Variants in RANBP1 observed in about 807,000 individuals in gnomAD.
RANBP1 encodes ran-specific GTPase-activating protein.
RANBP1 carries 16 observed loss-of-function variants against 31.4 expected under a neutral mutation model. The ratio of observed to expected loss-of-function variants is 0.51; its 90% CI spans 0.34 to 0.77. The LOEUF (loss-of-function observed/expected upper bound fraction) is 0.77, where lower values mean the gene tolerates loss of function less well. RANBP1 is among the 30% of genes least tolerant of loss of function. The pLI is 0.01. For synonymous variants in RANBP1, 129 were observed against 140.5 expected, an observed-to-expected ratio of 0.92 and a Z score of 0.58; for missense variants, 265 against 362.0, an observed-to-expected ratio of 0.73 and a Z score of 2.17.
intron 1 of RANBP1, among the ~76,000 whole-genome samples, chr22:20,118,526 A>G (rs2050100671): frequency 6.6e-6 from 1 of 152,274 alleles, no homozygotes; most frequent in South Asian, 2.1e-4. Flanking sequence ...AAGCAAGAGC[A>G]CAACTATTTC....
At position 20,126,956 on chromosome 22, in the gene RANBP1, A is replaced by G. The variant is rs148747950; in HGVS notation, c.741A>G (p.Gly247=). Residue 247 remains glycine, a synonymous_variant, in exon 6 of 6, where the codon GGA becomes GGG. Transcript: ENST00000430524. The stretch of plus-strand genomic sequence containing the variant: ...CTGTGCTGCTTGTGTTTTTAGCAGG[A>G]TCAGGCAAAAATGATCATGCCGAAA... ...KEIEEREKKA[G]SGKNDHAEKV... is the part of the protein sequence containing the mutation. 78 of 1,613,218 alleles carry G rather than the reference A, an allele frequency of 4.8e-5. No homozygotes were observed. The East Asian group carries it at 1.7e-3, about 36-fold the overall frequency.
Position 20,119,163 on chromosome 22 carries a change from T to A in RANBP1, c.383+14T>A, listed in dbSNP as rs557042253. The A allele has an allele frequency of 2.5e-6, 4 of 1,610,042 alleles. No homozygotes were observed. In the East Asian group the frequency reaches 8.9e-5, roughly 36 times the overall value. ...ACTTTTTAAAATGTAAGTAGGCTGA[T>A]GTCCCAGAAATAGGACTCTTTAAGG... is the stretch of plus-strand genomic sequence containing the variant. On this transcript the variant is annotated intron_variant, in intron 2 of 5. Transcript: ENST00000430524.
chr22:20,123,570 A>G (rs2050235105), intron 3 of RANBP1, among the ~76,000 whole-genome samples: 1 of 151,698 alleles, frequency 6.6e-6, no homozygotes, highest in Non-Finnish European at 1.5e-5. Context: ...CAGCCTCCCC[A>G]GTTATGGTGT....
chr22:20,117,425 AG>A (rs2050060949), intron 1 of RANBP1: 2 of 1,197,018 alleles, frequency 1.7e-6, no homozygotes, highest in African/African-American at 1.6e-5. Flanking sequence ...GGACAATGAG[AG>A]TGTCCGCCTC....
intron 2 of RANBP1, among the ~76,000 whole-genome samples, chr22:20,121,568 A>G (rs62219900): frequency 6.6e-6 from 1 of 151,646 alleles, no homozygotes; most frequent in Non-Finnish European, 1.5e-5. Flanking sequence ...TTTTTTTAAA[A>G]TAGGGTCTCA....
chr22:20,117,658 CG>C, intron 1 of RANBP1: 1 of 1,202,534 alleles, frequency 8.3e-7, no homozygotes. Context: ...CCATGGCGGC[CG>C]CCAAGGTGCC....
intron 3 of RANBP1, chr22:20,124,102 G>C (rs2050246087): frequency 6.5e-6 from 1 of 152,794 alleles, no homozygotes; most frequent in Non-Finnish European, 1.5e-5. Flanking sequence ...TCTAGTCCTG[G>C]GGAAGCTTGC....
intron 1 of RANBP1, among the ~76,000 whole-genome samples, chr22:20,118,619 G>C (rs2050104359): frequency 6.6e-6 from 1 of 152,220 alleles, no homozygotes; most frequent in African/African-American, 2.4e-5. Context: ...TGTGTCCTTT[G>C]ATCTTCACAC....
intron 2 of RANBP1, chr22:20,119,369 A>G: frequency 3.6e-6 from 2 of 548,762 alleles, no homozygotes; most frequent in East Asian, 3.2e-5. Flanking sequence ...AGGGCATCCC[A>G]TCTTGCTGCT....
chr22:20,116,814 G>A, intron 1 of RANBP1: 2 of 1,466,294 alleles, frequency 1.4e-6, no homozygotes, highest in Non-Finnish European at 1.9e-6. Context: ...TTCTCTGGCA[G>A]GTTTCCTGAC....
intron 3 of RANBP1, 76 bp downstream of exon 3, chr22:20,122,497 T>A: frequency 6.2e-7 from 1 of 1,606,232 alleles, no homozygotes; most frequent in South Asian, 1.1e-5. Flanking sequence ...CAGGGCTGAT[T>A]GGGAACTGGG....
At chr22:20,117,108 A>C (rs1822727062) in intron 1 of RANBP1, 1 of 689,762 alleles carries the variant, frequency 1.4e-6, no homozygotes, top group Admixed American at 2.8e-5. Context: ...TGCGATGCTC[A>C]GGTCCGGGTC....
intron 1 of RANBP1, chr22:20,116,841 C>A: frequency 1.3e-6 from 2 of 1,589,264 alleles, no homozygotes; most frequent in East Asian, 2.3e-5. Flanking sequence ...CGCCTCCTCC[C>A]ACCCCATCCC....
chr22:20,116,665 G>GC (rs2050032859), intron 1 of RANBP1: 6 of 1,504,836 alleles, frequency 4.0e-6, no homozygotes, highest in South Asian at 1.3e-5. Context: ...TGGGGGCCTG[G>GC]CCCCCCAAGC....
In RANBP1 at chr22:20,126,331, A is replaced by G; in HGVS notation, c.699A>G (p.Glu233=). Residue 233 remains glutamate, a synonymous_variant, in exon 5 of 6, where the codon GAA becomes GAG. Coordinates refer to ENST00000430524, the MANE Select transcript of RANBP1 (RefSeq NM_001278639.2). ...ENAQKFKTKF[E]ECRKEIEERE... ...CACAGAAATTCAAAACAAAGTTTGA[A>G]GAATGCAGGAAAGAGATCGAAGAGA... The G allele has an allele frequency of 6.2e-7, 1 of 1,613,820 alleles. No homozygotes were observed. The highest frequency in any genetic ancestry group is 8.5e-7 in the Non-Finnish European group (1 of 1,179,922).
intron 2 of RANBP1, among the ~76,000 whole-genome samples, chr22:20,119,956 C>G (rs528693112): frequency 6.6e-6 from 1 of 152,244 alleles, no homozygotes; most frequent in Admixed American, 6.5e-5. Flanking sequence ...GGGTACCAGC[C>G]TTGTGTCTTG....
In RANBP1 at chr22:20,119,171, A is replaced by C. The variant is rs1281479538; in HGVS notation, c.383+22A>C. 5.6e-6 allele frequency: 9 copies of C among 1,606,306 alleles called. No homozygotes were observed. The East Asian group carries it at 6.7e-5, about 12-fold the overall frequency. On this transcript the variant is annotated intron_variant, in intron 2 of 5. Coordinates refer to ENST00000430524, the MANE Select transcript of RANBP1 (RefSeq NM_001278639.2). ...AAATGTAAGTAGGCTGATGTCCCAGAAATAGGACTCTTTAAGGTTGAGGTT... is the reference window on the plus strand; with the variant it reads ...AAATGTAAGTAGGCTGATGTCCCAGCAATAGGACTCTTTAAGGTTGAGGTT...
chr22:20,125,541 G>A (rs184347387), intron 4 of RANBP1, 105 bp downstream of exon 4: 2 of 1,540,734 alleles, frequency 1.3e-6, no homozygotes, highest in Admixed American at 2.0e-5. Flanking sequence ...AGAGGGGGCA[G>A]TAACTGGGAA....
chr22:20,124,587 T>TC (rs1483498503), intron 3 of RANBP1: 1 of 153,130 alleles, frequency 6.5e-6, no homozygotes. Context: ...CAGGGCCATC[T>TC]CCCCTTGGGG....
Sources: allele counts gnomAD v4.1 joint callset (sites outside exome capture counted in the v4.1 genomes callset), GRCh38; gene constraint gnomAD v4.1.1; transcripts MANE v1.5; gene names NCBI Gene and HGNC (gene_info 2026-07-23, HGNC 2026-07-21).